Variants in SHISA6 observed in about 807,000 individuals in gnomAD.
The protein encoded by SHISA6 is shisa family member 6, also known as protein shisa-6.
In SHISA6, 22 loss-of-function variants were observed where a neutral mutation model predicts 47.9. The ratio of observed to expected loss-of-function variants is 0.46; its 90% CI spans 0.33 to 0.66. The LOEUF (loss-of-function observed/expected upper bound fraction) is 0.66, where lower values mean the gene tolerates loss of function less well. Ranked by LOEUF, SHISA6 falls within the 30% of genes least tolerant of loss-of-function variation. The pLI, the probability that SHISA6 is intolerant of heterozygous loss-of-function variation, is 0.02. For synonymous variants in SHISA6, 388 were observed against 337.8 expected, an observed-to-expected ratio of 1.15 and a Z score of -1.63; for missense variants, 680 against 764.6, an observed-to-expected ratio of 0.89 and a Z score of 1.30.
chr17:11,525,631 C>CAA (rs548619604), intron 3 of SHISA6, among the ~76,000 whole-genome samples: 1,061 of 58,880 alleles, frequency 0.018, 125 homozygotes, highest in Non-Finnish European at 0.023. Flanking sequence ...GACTCCGTCT[C>CAA]AAAAAAAAAA....
rs569499894 is a variant in SHISA6, at chr17:11,369,320, A to G, written c.800-10094A>G. Among the ~76,000 whole-genome samples the G allele has an allele frequency of 1.2e-4, 18 of 152,350 alleles. 1 individual carries two copies. The South Asian group carries it at 2.9e-3, about 25-fold the overall frequency. ...CTCTTTTGGCAAATAGAGAATGTCA[A>G]TATTTTCTTCACACATTTTCCTCTA... On this transcript the variant is annotated intron_variant, in intron 2 of 5. Coordinates refer to ENST00000441885, the MANE Select transcript of SHISA6 (RefSeq NM_207386.4).
intron 2 of SHISA6, among the ~76,000 whole-genome samples, chr17:11,298,208 C>T (rs1384731999): frequency 6.6e-6 from 1 of 152,192 alleles, no homozygotes; most frequent in Non-Finnish European, 1.5e-5. Flanking sequence ...TGAACCTGAG[C>T]GTCTTCATTC....
At chr17:11,330,802 A>AT (rs34068534) in intron 2 of SHISA6, among the ~76,000 whole-genome samples, 86,049 of 151,908 alleles carry the variant, frequency 0.57, 24,626 homozygotes, top group Middle Eastern at 0.68. Flanking sequence ...GATGAATAAA[A>AT]TTAGGTTGGC....
chr17:11,267,753 T>C (rs1485942831), intron 2 of SHISA6, among the ~76,000 whole-genome samples: 1 of 152,092 alleles, frequency 6.6e-6, no homozygotes, highest in East Asian at 1.9e-4. Flanking sequence ...TCGTAACCAG[T>C]CCTCTCCTTA....
chr17:11,302,204 AGCTTAACTTTAG>A (rs1298591942), intron 2 of SHISA6, among the ~76,000 whole-genome samples: 1 of 152,134 alleles, frequency 6.6e-6, no homozygotes, highest in Non-Finnish European at 1.5e-5. Context: ...TCAGGCCTAG[AGCTTAACTTTAG>A]GCCTCTGTTG....
chr17:11,428,632 C>T (rs1329427067), intron 3 of SHISA6, among the ~76,000 whole-genome samples: 1 of 152,182 alleles, frequency 6.6e-6, no homozygotes, highest in Non-Finnish European at 1.5e-5. Flanking sequence ...AAGCAACACA[C>T]ATTTATGATT....
At chr17:11,514,876 C>T (rs541487946) in intron 3 of SHISA6, among the ~76,000 whole-genome samples, 1 of 152,320 alleles carries the variant, frequency 6.6e-6, no homozygotes, top group East Asian at 1.9e-4. Context: ...GCTTCTTTTC[C>T]TCTCTTATCT....
At chr17:11,251,074 G>A (rs1315990794) in intron 1 of SHISA6, among the ~76,000 whole-genome samples, 1 of 152,166 alleles carries the variant, frequency 6.6e-6, no homozygotes, top group Admixed American at 6.5e-5. Context: ...AGGTCACACA[G>A]CTAGTACATT....
chr17:11,284,296 T>G (rs1386383850), intron 2 of SHISA6, among the ~76,000 whole-genome samples: 7 of 152,188 alleles, frequency 4.6e-5, no homozygotes, highest in Non-Finnish European at 5.9e-5. Context: ...GTTTAGTTGC[T>G]CAGCAACACC....
chr17:11,245,613 CT>C (rs1284078424), intron 1 of SHISA6, among the ~76,000 whole-genome samples: 1 of 151,994 alleles, frequency 6.6e-6, no homozygotes, highest in Non-Finnish European at 1.5e-5. Flanking sequence ...AACTGTGTGG[CT>C]TTTTTTAATG....
chr17:11,274,874 T>A (rs1207575588), intron 2 of SHISA6, among the ~76,000 whole-genome samples: 2 of 152,196 alleles, frequency 1.3e-5, no homozygotes, highest in East Asian at 1.9e-4. Flanking sequence ...GGAGTGATCA[T>A]CACCAAGTGC....
At chr17:11,453,829 AAT>A (rs1451594734) in intron 3 of SHISA6, among the ~76,000 whole-genome samples, 1 of 152,194 alleles carries the variant, frequency 6.6e-6, no homozygotes, top group African/African-American at 2.4e-5. Context: ...TGATTCCATT[AAT>A]ATGACATTCT....
intron 2 of SHISA6, among the ~76,000 whole-genome samples, chr17:11,283,156 C>G (rs1407197841): frequency 6.6e-6 from 1 of 152,202 alleles, no homozygotes; most frequent in African/African-American, 2.4e-5. Context: ...TGAATATTAA[C>G]TGATACTTAC....
chr17:11,261,009 A>T (rs573502197), intron 1 of SHISA6, among the ~76,000 whole-genome samples: 1 of 152,282 alleles, frequency 6.6e-6, no homozygotes, highest in African/African-American at 2.4e-5. Context: ...CGGCATATTC[A>T]AGTTAATTAG....
chr17:11,526,600 T>A (rs186881654), intron 3 of SHISA6, among the ~76,000 whole-genome samples: 28 of 152,272 alleles, frequency 1.8e-4, no homozygotes, highest in African/African-American at 6.5e-4. Context: ...CTCTAACTCC[T>A]GTTAACTTCC....
chr17:11,499,215 G>A (rs912511287), intron 3 of SHISA6, among the ~76,000 whole-genome samples: 2 of 152,186 alleles, frequency 1.3e-5, no homozygotes, highest in African/African-American at 4.8e-5. Context: ...TCACTGAATT[G>A]GGAGAGGCAA....
chr17:11,530,711 A>G (rs1597571707), intron 3 of SHISA6, among the ~76,000 whole-genome samples: 2 of 152,202 alleles, frequency 1.3e-5, no homozygotes, highest in South Asian at 4.1e-4. Flanking sequence ...GTCTGTTGTC[A>G]AGGTTAGTCG....
chr17:11,346,986 T>C (rs554343990), intron 2 of SHISA6, among the ~76,000 whole-genome samples: 5 of 152,348 alleles, frequency 3.3e-5, no homozygotes, highest in South Asian at 4.1e-4. Context: ...ATGACTTTTA[T>C]AGGCACAGTA....
intron 2 of SHISA6, chr17:11,290,681 T>C (rs998965053): frequency 2.6e-5 from 4 of 152,102 alleles, no homozygotes; most frequent in African/African-American, 7.2e-5. Flanking sequence ...ATATTTATTT[T>C]TGTTCTCTTG....
Sources: gnomAD v4.1 joint callset for allele counts (sites outside exome capture counted in the v4.1 genomes callset) on GRCh38, gnomAD v4.1.1 for gene constraint, MANE v1.5 for transcripts, NCBI Gene and HGNC (gene_info 2026-07-23, HGNC 2026-07-21) for gene names.